The following LYPD6B variants were observed in gnomAD, a reference collection of about 807,000 sequenced individuals.
LYPD6B encodes the protein ly6/PLAUR domain-containing protein 6B.
A neutral mutation model predicts 22.8 loss-of-function variants in LYPD6B; 17 were observed. That is an observed-to-expected ratio of 0.75 (90% confidence interval 0.51 to 1.12). The LOEUF (loss-of-function observed/expected upper bound fraction) is 1.12, where lower values mean the gene tolerates loss of function less well. Among genes scored for constraint, LYPD6B ranks in the 50% most tolerant of loss-of-function variants. LYPD6B has a pLI of 0.00. For synonymous variants in LYPD6B, 106 were observed against 91.6 expected (o/e 1.16, Z -0.90); for missense variants, 221 against 258.3 (o/e 0.86, Z 0.99).
chr2:149,191,145 T>C (rs1483251739), intron 3 of LYPD6B, among the ~76,000 whole-genome samples: 1 of 152,192 alleles, frequency 6.6e-6, no homozygotes, highest in Admixed American at 6.5e-5. Flanking sequence ...ATTTTCTCAC[T>C]CATTTTGAGA....
intron 3 of LYPD6B, among the ~76,000 whole-genome samples, chr2:149,169,376 G>A (rs1286448585): frequency 6.6e-6 from 1 of 152,204 alleles, no homozygotes; most frequent in African/African-American, 2.4e-5. Context: ...CTAAACAGGA[G>A]GAAGTGTTAC....
chr2:149,188,032 A>G (rs1692236140), intron 3 of LYPD6B, among the ~76,000 whole-genome samples: 1 of 152,212 alleles, frequency 6.6e-6, no homozygotes, highest in East Asian at 1.9e-4. Context: ...CATCAGGGAC[A>G]CAGTTTGGTT....
At chr2:149,146,414 A>G (rs1443897407) in intron 2 of LYPD6B, among the ~76,000 whole-genome samples, 1 of 152,174 alleles carries the variant, frequency 6.6e-6, no homozygotes, top group Non-Finnish European at 1.5e-5. Context: ...AGGATGGAGC[A>G]TGGCAAATAC....
In LYPD6B at chr2:149,205,261, G is replaced by T; in HGVS notation, c.86G>T (p.Ser29Ile). The part of the protein sequence containing the change: ...TTTFSFSRYK[S>I]SDRPAHKVSM... The stretch of plus-strand genomic sequence containing the variant: ...GTGTCTTTTCACCATAGATATAAGA[G>T]TTCGGACCGCCCAGCACACAAGGTC... Residue 29 changes from serine (S) to isoleucine (I), a missense_variant, in exon 4 of 7, where the codon AGT (serine) becomes ATT (isoleucine). By Grantham distance (142) the Ser-to-Ile change is moderately radical (BLOSUM62 -2). Coordinates refer to ENST00000409642, the MANE Select transcript of LYPD6B (RefSeq NM_177964.5). 1 of 1,611,872 alleles carries T rather than the reference G, an allele frequency of 6.2e-7. No individual in the cohort carries two copies.
intron 4 of LYPD6B, 26 bp downstream of exon 4, chr2:149,205,430 G>C (rs767123048): frequency 6.2e-7 from 1 of 1,610,724 alleles, no homozygotes; most frequent in South Asian, 1.1e-5. Flanking sequence ...TGCCATCCTA[G>C]TTCATGGCTG....
intron 3 of LYPD6B, among the ~76,000 whole-genome samples, chr2:149,199,266 T>C (rs1693011385): frequency 6.6e-6 from 1 of 152,240 alleles, no homozygotes; most frequent in South Asian, 2.1e-4. Context: ...ATGGGCACAG[T>C]ATTTCTTAAC....
intron 2 of LYPD6B, among the ~76,000 whole-genome samples, chr2:149,150,814 G>C (rs1689319639): frequency 6.6e-6 from 1 of 151,990 alleles, no homozygotes; most frequent in Non-Finnish European, 1.5e-5. Flanking sequence ...TTTGGCTCGT[G>C]TACTGATCTT....
chr2:149,048,556 C>T (rs1683413056), intron 1 of LYPD6B, among the ~76,000 whole-genome samples: 2 of 152,180 alleles, frequency 1.3e-5, no homozygotes, highest in African/African-American at 4.8e-5. Flanking sequence ...TGTCCAGGTA[C>T]ATCTGCCTCA....
At chr2:149,099,233 G>A (rs978696161) in intron 1 of LYPD6B, among the ~76,000 whole-genome samples, 1 of 152,132 alleles carries the variant, frequency 6.6e-6, no homozygotes, top group African/African-American at 2.4e-5. Flanking sequence ...CCGAATTACA[G>A]TAAATAACAA....
At chr2:149,168,019 G>T (rs1690547008) in intron 3 of LYPD6B, among the ~76,000 whole-genome samples, 1 of 151,760 alleles carries the variant, frequency 6.6e-6, no homozygotes, top group South Asian at 2.1e-4. Context: ...AGACCAGCAT[G>T]GCAAACATGT....
intron 1 of LYPD6B, among the ~76,000 whole-genome samples, chr2:149,127,793 C>T (rs947269363): frequency 6.6e-6 from 1 of 152,154 alleles, no homozygotes; most frequent in African/African-American, 2.4e-5. Context: ...TCCTTGTCTC[C>T]TTTCAGTTAC....
chr2:149,202,773 C>A (rs945489175), intron 3 of LYPD6B, among the ~76,000 whole-genome samples: 1 of 152,106 alleles, frequency 6.6e-6, no homozygotes, highest in Non-Finnish European at 1.5e-5. Flanking sequence ...TGAGGAAAAC[C>A]AAACTTCTTA....
At chr2:149,117,473 G>C (rs1050346410) in intron 1 of LYPD6B, among the ~76,000 whole-genome samples, 2 of 152,076 alleles carry the variant, frequency 1.3e-5, no homozygotes, top group Admixed American at 1.3e-4. Context: ...GTTTCGCCAT[G>C]TTAGTCAGGC....
In LYPD6B at chr2:149,187,647, C is replaced by T. The variant is rs924454408; in HGVS notation, c.78-17606C>T. On this transcript the variant is annotated intron_variant, in intron 3 of 6. Transcript: ENST00000409642. ...ATTTAGTAACTTAAGCAGGCTTGTC[C>T]AATCTTTTGGATTCTGTGGGCCACA... The T allele has an allele frequency of 4.6e-6, 4 of 876,946 alleles. No individual in the cohort carries two copies. In the African/African-American group the frequency reaches 5.3e-5, roughly 12 times the overall value. The allele number at this position is 876,946 out of a possible 1,614,324, so 54.3% of individuals were successfully genotyped here.
chr2:149,059,354 G>A (rs1246741715), intron 1 of LYPD6B, among the ~76,000 whole-genome samples: 12 of 152,316 alleles, frequency 7.9e-5, no homozygotes. Context: ...TGAATGTTTA[G>A]GAAGTAGGCC....
chr2:149,102,069 A>G (rs371475616), intron 1 of LYPD6B, among the ~76,000 whole-genome samples: 6 of 152,208 alleles, frequency 3.9e-5, no homozygotes, highest in Non-Finnish European at 8.8e-5. Flanking sequence ...TTCCATAGGC[A>G]TTTACTCACA....
intron 3 of LYPD6B, among the ~76,000 whole-genome samples, chr2:149,200,131 G>A (rs973472505): frequency 6.6e-6 from 1 of 152,202 alleles, no homozygotes; most frequent in Admixed American, 6.5e-5. Context: ...TCATTAAAGT[G>A]TCTTACTGTG....
At chr2:149,146,369 G>C (rs1292478933) in intron 2 of LYPD6B, among the ~76,000 whole-genome samples, 2 of 152,104 alleles carry the variant, frequency 1.3e-5, no homozygotes, top group African/African-American at 4.8e-5. Context: ...AAGGGGCACT[G>C]TAGGGGGGGA....
intron 3 of LYPD6B, among the ~76,000 whole-genome samples, chr2:149,173,174 C>A (rs1160748646): frequency 2.0e-5 from 1 of 50,880 alleles, no homozygotes; most frequent in Admixed American, 2.6e-4. Flanking sequence ...AGCACTATTA[C>A]TGTGTTTTTT....
Sources: gnomAD v4.1 joint callset for allele counts (sites outside exome capture counted in the v4.1 genomes callset) on GRCh38, gnomAD v4.1.1 for gene constraint, MANE v1.5 for transcripts, NCBI Gene and HGNC (gene_info 2026-07-23, HGNC 2026-07-21) for gene names.